Variants in CPQ observed in about 807,000 individuals in gnomAD.
CPQ encodes carboxypeptidase Q, also known as Ser-Met dipeptidase.
CPQ carries 37 observed loss-of-function variants against 45.7 expected under a neutral mutation model. The observed-to-expected ratio is 0.81, with a 90% CI of 0.62 to 1.07. The LOEUF is 1.07. Ranked by LOEUF, CPQ falls within the 50% of genes least tolerant of loss-of-function variation. The pLI is 0.00. For missense variants in CPQ, 537 were observed against 572.9 expected (o/e 0.94, Z 0.64); for synonymous variants, 186 against 205.8 (o/e 0.90, Z 0.82).
intron 7 of CPQ, among the ~76,000 whole-genome samples, chr8:97,118,906 T>A (rs1049774273): frequency 7.9e-5 from 12 of 152,204 alleles, no homozygotes; most frequent in African/African-American, 2.9e-4. Flanking sequence ...GCCATGCTTG[T>A]TCATTTACAT....
chr8:96,927,965 A>G (rs1001424319), intron 4 of CPQ, among the ~76,000 whole-genome samples: 2 of 152,182 alleles, frequency 1.3e-5, no homozygotes, highest in South Asian at 4.1e-4. Context: ...ATCCTGTGGC[A>G]TATGTGATGC....
rs146897917 is a variant in CPQ at position 96,843,534 on chromosome 8, T to C, written c.641+8354T>C. Among the ~76,000 whole-genome samples the C allele has an allele frequency of 7.2e-5, 11 of 152,324 alleles. No homozygotes were observed. In the East Asian group the frequency reaches 1.9e-3, roughly 27 times the overall value. ...CATTTAGATCTCTGTCTGTTCAGTT[T>C]GTCCAAACTCTGCTGGGGTTATGTA... On this transcript the variant is annotated intron_variant, in intron 3 of 7. Coordinates refer to ENST00000220763, the MANE Select transcript of CPQ (RefSeq NM_016134.4).
chr8:96,848,880 A>C (rs1032856744), intron 3 of CPQ, among the ~76,000 whole-genome samples: 12 of 152,110 alleles, frequency 7.9e-5, no homozygotes, highest in Non-Finnish European at 1.3e-4. Context: ...TTTGTGTCAA[A>C]CCAACAAGAA....
chr8:97,129,806 T>C (rs905565322), intron 7 of CPQ, among the ~76,000 whole-genome samples: 1 of 152,286 alleles, frequency 6.6e-6, no homozygotes, highest in African/African-American at 2.4e-5. Flanking sequence ...CTCCCCTAGA[T>C]TGAAAGTTCC....
intron 1 of CPQ, among the ~76,000 whole-genome samples, chr8:96,723,217 A>G (rs1369759441): frequency 1.3e-5 from 2 of 152,214 alleles, no homozygotes; most frequent in Non-Finnish European, 2.9e-5. Context: ...AATTGGGTCT[A>G]CTGGTTTTTA....
intron 5 of CPQ, among the ~76,000 whole-genome samples, chr8:96,971,293 G>C (rs993004960): frequency 6.6e-6 from 1 of 152,182 alleles, no homozygotes; most frequent in Admixed American, 6.5e-5. Flanking sequence ...GCCTATTGTT[G>C]TGTCTCTCCC....
At chr8:96,769,275 T>C (rs1476163917) in intron 1 of CPQ, among the ~76,000 whole-genome samples, 1 of 152,226 alleles carries the variant, frequency 6.6e-6, no homozygotes, top group African/African-American at 2.4e-5. Context: ...GAATCCCTTT[T>C]CCTTTCTTCC....
chr8:96,821,089 A>T (rs1422648455), intron 2 of CPQ, among the ~76,000 whole-genome samples: 1 of 146,504 alleles, frequency 6.8e-6, no homozygotes, highest in African/African-American at 2.5e-5. Flanking sequence ...CTTTTGAGAA[A>T]TGTCTGTTCA....
At chr8:97,013,008 G>A (rs1269803268) in intron 5 of CPQ, among the ~76,000 whole-genome samples, 1 of 152,140 alleles carries the variant, frequency 6.6e-6, no homozygotes, top group East Asian at 1.9e-4. Context: ...TGTGGGTAGG[G>A]TTCAGTATTT....
rs142986834 is a variant in CPQ, at chr8:97,051,775, C to T, written c.1054-14234C>T. ...TAAGTAACTTGCCTAATATTATTTA[C>T]CTTATGGCTGAGAAGTGCATCAAAT... On this transcript the variant is annotated intron_variant, in intron 6 of 7. Transcript: ENST00000220763. Among the ~76,000 whole-genome samples, 11 of 152,260 alleles carry T rather than the reference C, an allele frequency of 7.2e-5. No homozygotes were observed. The East Asian group carries it at 2.1e-3, about 29-fold the overall frequency.
At chr8:96,704,717 G>A (rs1288495704) in intron 1 of CPQ, among the ~76,000 whole-genome samples, 1 of 152,054 alleles carries the variant, frequency 6.6e-6, no homozygotes, top group Non-Finnish European at 1.5e-5. Context: ...TAAGAGCATT[G>A]GGAAGTTATT....
chr8:96,933,652 G>T (rs1380839771), intron 4 of CPQ, among the ~76,000 whole-genome samples: 1 of 152,146 alleles, frequency 6.6e-6, no homozygotes, highest in Non-Finnish European at 1.5e-5. Flanking sequence ...GTCAGCAAAA[G>T]CTTCCTGGGG....
chr8:96,676,445 G>A (rs1004800850), intron 1 of CPQ, among the ~76,000 whole-genome samples: 51 of 151,878 alleles, frequency 3.4e-4, no homozygotes, highest in Middle Eastern at 6.8e-3. Context: ...TTAACATAAC[G>A]ACCTCCATTT....
intron 7 of CPQ, among the ~76,000 whole-genome samples, chr8:97,106,913 G>T (rs78017951): frequency 1.3e-5 from 2 of 152,134 alleles, no homozygotes; most frequent in Admixed American, 6.6e-5. Context: ...AGTGATTCTC[G>T]TGTCACATGC....
At chr8:97,123,251 A>AAAAT (rs1811788347) in intron 7 of CPQ, among the ~76,000 whole-genome samples, 2 of 144,792 alleles carry the variant, frequency 1.4e-5, no homozygotes, top group African/African-American at 5.0e-5. Context: ...AAAATAAAAT[A>AAAAT]AAAATAAAAT....
intron 6 of CPQ, among the ~76,000 whole-genome samples, chr8:97,064,866 G>C (rs983552102): frequency 2.1e-4 from 32 of 152,058 alleles, no homozygotes; most frequent in African/African-American, 7.7e-4. Context: ...GAAAGCAGAG[G>C]GTTTCAGAGC....
chr8:96,877,003 T>A (rs1222341553), intron 3 of CPQ, among the ~76,000 whole-genome samples: 2 of 152,172 alleles, frequency 1.3e-5, no homozygotes, highest in Admixed American at 6.6e-5. Context: ...TATAGAGGAT[T>A]GTTATTAATC....
At chr8:96,869,313 A>G (rs1361944724) in intron 3 of CPQ, among the ~76,000 whole-genome samples, 1 of 152,056 alleles carries the variant, frequency 6.6e-6, no homozygotes, top group African/African-American at 2.4e-5. Flanking sequence ...TGTTAACAGC[A>G]CTGGGCAATT....
chr8:96,880,518 C>CATATAT lies in CPQ; in HGVS notation c.849+567_849+572dup, dbSNP rs200512558. On this transcript the variant is annotated intron_variant, in intron 4 of 7. Transcript: ENST00000220763. ...GCTGGCTAAAAAACAAATATATGGT[C>CATATAT]ATATATATATATATATATATATATA... is the stretch of plus-strand genomic sequence containing the variant. 2.5e-4 allele frequency among the ~76,000 whole-genome samples: 24 copies of CATATAT among 97,320 alleles called. 1 individual carries two copies. Among genetic ancestry groups the CATATAT allele is most frequent in the Non-Finnish European group, 3.9e-4 (19 of 48,208 alleles). The allele number at this position is 97,320 out of a possible 152,430, so 63.8% of individuals were successfully genotyped here.
Sources: allele counts gnomAD v4.1 joint callset (sites outside exome capture counted in the v4.1 genomes callset), GRCh38; gene constraint gnomAD v4.1.1; transcripts MANE v1.5; gene names NCBI Gene and HGNC (gene_info 2026-07-23, HGNC 2026-07-21).